Variants in STAC observed in about 807,000 individuals in gnomAD.
STAC encodes the protein SH3 and cysteine rich domain, also known as SH3 and cysteine-rich domain-containing protein.
Under a neutral mutation model 48.8 loss-of-function variants are expected in STAC, and 43 were observed. That is an observed-to-expected ratio of 0.88 (90% CI 0.69 to 1.14). The LOEUF is 1.14. Among genes scored for constraint, STAC ranks in the 50% most tolerant of loss-of-function variants. The pLI, the probability that STAC is intolerant of heterozygous loss-of-function variation, is 0.00. For synonymous variants in STAC, 193 were observed against 179.5 expected, an observed-to-expected ratio of 1.07 and a Z score of -0.60; for missense variants, 497 against 504.0, an observed-to-expected ratio of 0.99 and a Z score of 0.13.
chr3:36,537,200 C>T (rs1297690234), intron 10 of STAC, among the ~76,000 whole-genome samples: 1 of 152,040 alleles, frequency 6.6e-6, no homozygotes, highest in Non-Finnish European at 1.5e-5. Context: ...TGGGTATATA[C>T]CTAAAGGAAT....
chr3:36,470,575 C>A (rs576732068), intron 2 of STAC, among the ~76,000 whole-genome samples: 1 of 152,348 alleles, frequency 6.6e-6, no homozygotes, highest in East Asian at 1.9e-4. Flanking sequence ...AAGAGCACAT[C>A]AGCTTTCATC....
intron 1 of STAC, among the ~76,000 whole-genome samples, chr3:36,394,007 A>C (rs1319764160): frequency 1.3e-5 from 2 of 152,068 alleles, no homozygotes; most frequent in Non-Finnish European, 2.9e-5. Context: ...GCAAAGCCTC[A>C]GAGGTGGAAC....
chr3:36,437,978 G>T (rs1041362746), intron 1 of STAC, among the ~76,000 whole-genome samples: 2 of 132,184 alleles, frequency 1.5e-5, no homozygotes, highest in Non-Finnish European at 3.5e-5. Context: ...AGATGAGTTT[G>T]CCCGGGCTGG....
chr3:36,475,608 AT>A (rs1475452258), intron 2 of STAC, among the ~76,000 whole-genome samples: 1 of 152,228 alleles, frequency 6.6e-6, no homozygotes, highest in African/African-American at 2.4e-5. Flanking sequence ...ATAACTAAGC[AT>A]TCACAGAGGC....
chr3:36,443,737 G>A lies in STAC; in HGVS notation c.388+97G>A. 1 of 1,455,364 alleles carries A rather than the reference G, an allele frequency of 6.9e-7. No homozygotes were observed. The highest frequency in any genetic ancestry group is 9.3e-7 in the Non-Finnish European group (1 of 1,072,000). The allele number at this position is 1,455,364 out of a possible 1,614,324, so 90.2% of individuals were successfully genotyped here. ...TCCAGGTACCTACGGACAGATGCTA[G>A]GCCTCAGAGATTTACATGTGGGAAG... On this transcript the variant is annotated intron_variant, in intron 2 of 10. Coordinates refer to ENST00000273183, the MANE Select transcript of STAC (RefSeq NM_003149.3). The surrounding 1 kb of genome is among the most constrained non-coding windows in gnomAD (Gnocchi z 4.2).
At chr3:36,406,435 CA>C (rs1700089607) in intron 1 of STAC, among the ~76,000 whole-genome samples, 1 of 152,210 alleles carries the variant, frequency 6.6e-6, no homozygotes, top group Non-Finnish European at 1.5e-5. Context: ...TCACATCTAC[CA>C]GCTGTGCCTC....
intron 2 of STAC, among the ~76,000 whole-genome samples, chr3:36,464,931 A>G (rs944526137): frequency 1.3e-5 from 2 of 151,776 alleles, no homozygotes; most frequent in Admixed American, 6.6e-5. Context: ...GTAAACATGC[A>G]TGTGCACGTG....
intron 1 of STAC, among the ~76,000 whole-genome samples, chr3:36,382,878 T>A (rs1699540849): frequency 6.6e-6 from 1 of 152,210 alleles, no homozygotes; most frequent in Non-Finnish European, 1.5e-5. Flanking sequence ...AACAAGACAG[T>A]AATATGCATT....
chr3:36,448,915 T>C, intron 2 of STAC, among the ~76,000 whole-genome samples: 1 of 130,426 alleles, frequency 7.7e-6, no homozygotes, highest in East Asian at 2.6e-4. Context: ...CCCCCCCCAC[T>C]CCCGACCCAG....
In STAC at chr3:36,483,077, G is replaced by T; in HGVS notation, c.474G>T (p.Arg158=). ...GCACAGATGGCCTGGCACCCCAGCG[G>T]TGCATGGGCAAGCTGGTAAGGGCTT... The part of the protein sequence containing the change: ...HKCTDGLAPQ[R]CMGKLPKGFR... Residue 158 remains arginine, a synonymous_variant, in exon 3 of 11, where the codon CGG becomes CGT. Transcript: ENST00000273183. 1 of 1,613,806 alleles carries T rather than the reference G, an allele frequency of 6.2e-7. No individual in the cohort carries two copies. The highest frequency in any genetic ancestry group is 8.5e-7 in the Non-Finnish European group (1 of 1,179,724).
chr3:36,484,931 C>T, intron 3 of STAC, 46 bp from the exon 4 acceptor site: 1 of 1,483,992 alleles, frequency 6.7e-7, no homozygotes, highest in Non-Finnish European at 9.1e-7. Flanking sequence ...TGGTTTTCTC[C>T]ATCTCCAGTG....
In STAC at chr3:36,529,006, C is replaced by T. The variant is rs545352424; in HGVS notation, c.1110+21C>T. On this transcript the variant is annotated intron_variant, in intron 10 of 10. Coordinates refer to ENST00000273183, the MANE Select transcript of STAC (RefSeq NM_003149.3). ...ATCAGGTGAGTAAACCACACAAACA[C>T]ATTCCAGATATGAGCCAAATAGGGT... The T allele has an allele frequency of 5.7e-6, 9 of 1,582,812 alleles. No individual in the cohort carries two copies. The African/African-American group carries it at 1.2e-4, about 21-fold the overall frequency.
At chr3:36,441,636 G>A (rs890078895) in intron 1 of STAC, among the ~76,000 whole-genome samples, 1 of 152,152 alleles carries the variant, frequency 6.6e-6, no homozygotes, top group Non-Finnish European at 1.5e-5. Flanking sequence ...GAATCACATG[G>A]TAGTTCTATT....
At chr3:36,388,485 G>T (rs1399162757) in intron 1 of STAC, among the ~76,000 whole-genome samples, 2 of 150,946 alleles carry the variant, frequency 1.3e-5, no homozygotes, top group African/African-American at 2.4e-5. Flanking sequence ...CTTTTTTATG[G>T]TTTTAAATGT....
intron 1 of STAC, among the ~76,000 whole-genome samples, chr3:36,414,034 CAGG>C: frequency 6.6e-6 from 1 of 152,210 alleles, no homozygotes; most frequent in East Asian, 1.9e-4. Context: ...GAGTTTCTGC[CAGG>C]AGATCAGCTG....
chr3:36,438,948 T>G (rs1696234724), intron 1 of STAC, among the ~76,000 whole-genome samples: 1 of 152,152 alleles, frequency 6.6e-6, no homozygotes, highest in African/African-American at 2.4e-5. Flanking sequence ...TTTTAGAAAT[T>G]TGAAATATAT....
chr3:36,487,169 A>G (rs889837199), intron 5 of STAC, among the ~76,000 whole-genome samples: 1 of 152,214 alleles, frequency 6.6e-6, no homozygotes, highest in Non-Finnish European at 1.5e-5. Context: ...CAGCTTCCTC[A>G]TTGGGTGCAG....
chr3:36,523,413 T>TAC (rs1336186682), intron 8 of STAC, among the ~76,000 whole-genome samples: 1 of 152,246 alleles, frequency 6.6e-6, no homozygotes, highest in Non-Finnish European at 1.5e-5. Context: ...CATCATGGTA[T>TAC]ACAATTGTGG....
chr3:36,395,206 A>T (rs1348416070), intron 1 of STAC, among the ~76,000 whole-genome samples: 2 of 152,182 alleles, frequency 1.3e-5, no homozygotes, highest in Admixed American at 1.3e-4. Flanking sequence ...GAAGAAACAG[A>T]CAAGAAAGTT....
Sources: gnomAD v4.1 joint callset for allele counts (sites outside exome capture counted in the v4.1 genomes callset) on GRCh38, gnomAD v4.1.1 for gene constraint, Gnocchi (gnomAD v3.1) non-coding constraint, MANE v1.5 for transcripts, NCBI Gene and HGNC (gene_info 2026-07-23, HGNC 2026-07-21) for gene names.